CYP4F22: variants seen among roughly 807,000 people sequenced by gnomAD.
CYP4F22 encodes ultra-long-chain fatty acid omega-hydroxylase.
Under a neutral mutation model 60.4 loss-of-function variants are expected in CYP4F22, and 37 were observed. The observed-to-expected ratio is 0.61, with a 90% CI of 0.47 to 0.81. The LOEUF (loss-of-function observed/expected upper bound fraction) is 0.81. Among genes scored for constraint, CYP4F22 ranks in the 30% least tolerant of loss-of-function variants. The pLI is 0.00. For missense variants in CYP4F22, 655 were observed against 715.0 expected, an observed-to-expected ratio of 0.92 and a Z score of 0.96; for synonymous variants, 258 against 280.5, an observed-to-expected ratio of 0.92 and a Z score of 0.80.
intron 10 of CYP4F22, among the ~76,000 whole-genome samples, chr19:15,545,113 A>AC (rs1568363000): frequency 6.6e-6 from 1 of 151,718 alleles, no homozygotes; most frequent in Admixed American, 6.6e-5. Flanking sequence ...ATAAAAAAAA[A>AC]AAACAAAAGC....
At chr19:15,521,926 C>T (rs980675867) in intron 1 of CYP4F22, among the ~76,000 whole-genome samples, 1 of 151,972 alleles carries the variant, frequency 6.6e-6, no homozygotes, top group Non-Finnish European at 1.5e-5. Flanking sequence ...GGGTGGATGG[C>T]CTGAGGTGAG....
intron 1 of CYP4F22, among the ~76,000 whole-genome samples, chr19:15,510,966 A>ATATTTTTTTTTTTTTTT (rs34055543): frequency 9.7e-6 from 1 of 103,336 alleles, no homozygotes; most frequent in African/African-American, 4.6e-5. Flanking sequence ...ATATATATAT[A>ATATTTTTTTTTTTTTTT]TTTTTTTTTT....
In CYP4F22 at chr19:15,526,719, T is replaced by C. The variant is rs372281465; in HGVS notation, c.222+1161T>C. On this transcript the variant is annotated intron_variant, in intron 3 of 13. Transcript: ENST00000269703. ...TGATGCCTCTAGTTTCTGTAGTTAG[T>C]TTCTAGATGAGATAGGCTAGACTTT... is the stretch of plus-strand genomic sequence containing the variant. Among the ~76,000 whole-genome samples, 62 of 152,158 alleles carry C rather than the reference T, an allele frequency of 4.1e-4. 1 individual carries two copies. In the South Asian group the frequency reaches 0.012, roughly 29 times the overall value.
At chr19:15,524,754 A>G (rs1475158175) in intron 2 of CYP4F22, among the ~76,000 whole-genome samples, 1 of 152,220 alleles carries the variant, frequency 6.6e-6, no homozygotes, top group African/African-American at 2.4e-5. Flanking sequence ...TAGTTGCATT[A>G]TATGTAAATG....
At chr19:15,545,667 AAAAAG>A (rs1396510999) in intron 10 of CYP4F22, among the ~76,000 whole-genome samples, 8 of 50,396 alleles carry the variant, frequency 1.6e-4, no homozygotes, top group Admixed American at 3.5e-4. Flanking sequence ...AAAAAAAAAA[AAAAAG>A]AAAAGAAAAG....
intron 1 of CYP4F22, among the ~76,000 whole-genome samples, chr19:15,512,360 CT>C (rs1219640848): frequency 6.6e-6 from 1 of 152,190 alleles, no homozygotes; most frequent in Non-Finnish European, 1.5e-5. Context: ...GAGATAGAGT[CT>C]CACTCTGTCC....
At chr19:15,513,364 T>A (rs867914953) in intron 1 of CYP4F22, among the ~76,000 whole-genome samples, 19,558 of 98,578 alleles carry the variant, frequency 0.2, 1,052 homozygotes, top group African/African-American at 0.24. Context: ...TATATATATT[T>A]TTTTTTTTTT....
At position 15,510,966 on chromosome 19, in the gene CYP4F22, A is replaced by ATATT. The variant is rs34055543; in HGVS notation, c.-109+2384_-109+2385insATTT. Among the ~76,000 whole-genome samples, 286 of 103,298 alleles carry ATATT rather than the reference A, an allele frequency of 2.8e-3. 2 individuals carry two copies. Among genetic ancestry groups the ATATT allele is most frequent in the East Asian group, 0.016 (53 of 3,232 alleles). The allele number at this position is 103,298 out of a possible 152,430, so 67.8% of individuals were successfully genotyped here. On this transcript the variant is annotated intron_variant, in intron 1 of 13. Transcript: ENST00000269703. ...ATACCATATATATATATATATATAT[A>ATATT]TTTTTTTTTTTTTTTTTGAGATGGA...
chr19:15,540,917 T>G (rs57070637), intron 8 of CYP4F22, among the ~76,000 whole-genome samples, 200 bp downstream of exon 8: 2,352 of 152,208 alleles, frequency 0.015, 63 homozygotes, highest in African/African-American at 0.053. Context: ...AGACCCTGTC[T>G]CTACAAAAAA....
At chr19:15,519,387 C>A (rs566403189) in intron 1 of CYP4F22, among the ~76,000 whole-genome samples, 1 of 151,998 alleles carries the variant, frequency 6.6e-6, no homozygotes, top group Non-Finnish European at 1.5e-5. Flanking sequence ...CTCAGCCTCC[C>A]GAGTAGCTGG....
chr19:15,545,109 A>T (rs138614563), intron 10 of CYP4F22, among the ~76,000 whole-genome samples: 3 of 105,460 alleles, frequency 2.8e-5, no homozygotes, highest in Non-Finnish European at 4.9e-5. Flanking sequence ...TAAAATAAAA[A>T]AAAAAAACAA....
chr19:15,536,472 G>A (rs1971396036), intron 4 of CYP4F22, among the ~76,000 whole-genome samples: 1 of 152,168 alleles, frequency 6.6e-6, no homozygotes, highest in Non-Finnish European at 1.5e-5. Flanking sequence ...TGGTATGTGA[G>A]GGTGATGGGT....
At position 15,544,298 on chromosome 19, in the gene CYP4F22, G is replaced by A. The variant is rs1363279452; in HGVS notation, c.1136+19G>A. 6.2e-7 allele frequency: 1 copy of A among 1,611,088 alleles called. No homozygotes were observed. The highest frequency in any genetic ancestry group is 8.5e-7 in the Non-Finnish European group (1 of 1,178,930). On this transcript the variant is annotated intron_variant, in intron 10 of 13. Transcript: ENST00000269703. ...TGGAGTGGTGAGTGTGGGGTCAGGG[G>A]AATGGAGGGGGCAGGTTGAGGCCAG...
chr19:15,536,433 G>A (rs1971395593), intron 4 of CYP4F22, among the ~76,000 whole-genome samples: 1 of 152,158 alleles, frequency 6.6e-6, no homozygotes, highest in Admixed American at 6.5e-5. Context: ...TTGGACAAAG[G>A]CAAATGATTC....
rs564030955 is a variant in CYP4F22, at chr19:15,548,302, G to T, written c.1270+61G>T. On this transcript the variant is annotated intron_variant, in intron 11 of 13. Transcript: ENST00000269703. The stretch of plus-strand genomic sequence containing the variant: ...CCTCCAATGATGTAGCTGCTCTATT[G>T]TCCACAGGGGCCTGGCTATGCCTGC... 1.8e-4 allele frequency: 282 copies of T among 1,609,106 alleles called. 2 individuals carry two copies. In the South Asian group the frequency reaches 3.0e-3, roughly 17 times the overall value.
chr19:15,513,963 T>C (rs560620048), intron 1 of CYP4F22, among the ~76,000 whole-genome samples: 1 of 152,308 alleles, frequency 6.6e-6, no homozygotes, highest in East Asian at 1.9e-4. Context: ...GTGGAGATCA[T>C]ATCCTGTAGT....
chr19:15,545,204 C>T (rs1971508231), intron 10 of CYP4F22, among the ~76,000 whole-genome samples: 1 of 151,892 alleles, frequency 6.6e-6, no homozygotes, highest in Admixed American at 6.6e-5. Context: ...ACATATACTC[C>T]ACTCACCTGA....
At chr19:15,543,422 G>A (rs577366125) in intron 8 of CYP4F22, among the ~76,000 whole-genome samples, 1 of 152,108 alleles carries the variant, frequency 6.6e-6, no homozygotes, top group South Asian at 2.1e-4. Flanking sequence ...GAACGCCTAG[G>A]CTCAAGTGAT....
intron 2 of CYP4F22, 62 bp from the exon 3 acceptor site, chr19:15,525,274 C>G: frequency 6.6e-7 from 1 of 1,511,420 alleles, no homozygotes; most frequent in Non-Finnish European, 9.1e-7. Flanking sequence ...GCACACCATG[C>G]ATTACCCCAT....
Sources: gnomAD v4.1 joint callset for allele counts (sites outside exome capture counted in the v4.1 genomes callset) on GRCh38, gnomAD v4.1.1 for gene constraint, MANE v1.5 for transcripts, NCBI Gene and HGNC (gene_info 2026-07-23, HGNC 2026-07-21) for gene names.